The following GRXCR1 variants were observed in gnomAD, a reference collection of about 807,000 sequenced individuals.
The protein encoded by GRXCR1 is glutaredoxin and cysteine rich domain containing 1.
Under a neutral mutation model 27.3 loss-of-function variants are expected in GRXCR1, and 27 were observed. The ratio of observed to expected loss-of-function variants is 0.99; its 90% confidence interval spans 0.73 to 1.37. GRXCR1 has a LOEUF of 1.37. GRXCR1 is among the 40% of genes most tolerant of loss of function. The probability of loss-of-function intolerance (pLI) is 0.00; values close to 1 mark genes in which losing one functional copy is unlikely to be tolerated. For missense variants in GRXCR1, 379 were observed against 354.4 expected (o/e 1.07, Z -0.56); for synonymous variants, 122 against 131.1 (o/e 0.93, Z 0.47).
At chr4:42,895,231 T>C (rs1746321395) in intron 1 of GRXCR1, among the ~76,000 whole-genome samples, 1 of 152,102 alleles carries the variant, frequency 6.6e-6, no homozygotes, top group African/African-American at 2.4e-5. Context: ...CCTGCATATT[T>C]TTCTATGCAT....
At chr4:42,996,848 C>T (rs1029139195) in intron 2 of GRXCR1, among the ~76,000 whole-genome samples, 37 of 151,822 alleles carry the variant, frequency 2.4e-4, no homozygotes, top group East Asian at 7.7e-4. Context: ...ATAAAAGACA[C>T]GTTAGTAATT....
chr4:42,903,458 CCCA>C (rs1283854857), intron 1 of GRXCR1, among the ~76,000 whole-genome samples: 2 of 145,858 alleles, frequency 1.4e-5, no homozygotes, highest in African/African-American at 5.0e-5. Context: ...ACTACAGGCA[CCCA>C]CCACCACGCC....
At chr4:43,008,093 G>T (rs1282303117) in intron 2 of GRXCR1, among the ~76,000 whole-genome samples, 1 of 151,634 alleles carries the variant, frequency 6.6e-6, no homozygotes, top group African/African-American at 2.4e-5. Flanking sequence ...TTCATTCTTG[G>T]AATAAAAACT....
intron 1 of GRXCR1, among the ~76,000 whole-genome samples, chr4:42,914,299 G>A (rs902545545): frequency 5.9e-5 from 9 of 152,140 alleles, no homozygotes; most frequent in Non-Finnish European, 1.0e-4. Flanking sequence ...AAGCCACAGG[G>A]GTGGAGCTGC....
intron 3 of GRXCR1, among the ~76,000 whole-genome samples, chr4:43,028,677 T>C (rs1713330864): frequency 6.6e-6 from 1 of 152,392 alleles, no homozygotes; most frequent in African/African-American, 2.4e-5. Flanking sequence ...TAAAGTACAC[T>C]ATTTTTCCAT....
Position 42,946,922 on chromosome 4 carries a change from T to C in GRXCR1, c.385-15970T>C, listed in dbSNP as rs1747756686. Among the ~76,000 whole-genome samples the C allele has an allele frequency of 3.3e-5, 5 of 152,274 alleles. No individual in the cohort carries two copies. In the South Asian group the frequency reaches 1.0e-3, roughly 32 times the overall value. On this transcript the variant is annotated intron_variant, in intron 1 of 3. Transcript: ENST00000399770. ...ATTACATAACATACACTTTTTGATCTCAGAAAGTACGTAATGGTGCGGAGT... is the reference window on the plus strand; with the variant it reads ...ATTACATAACATACACTTTTTGATCCCAGAAAGTACGTAATGGTGCGGAGT...
chr4:43,007,478 T>G (rs1299828725), intron 2 of GRXCR1, among the ~76,000 whole-genome samples: 1 of 152,146 alleles, frequency 6.6e-6, no homozygotes, highest in Non-Finnish European at 1.5e-5. Flanking sequence ...ATCAGGAGAA[T>G]GACAAGTGAA....
chr4:42,985,195 G>A (rs765636626), intron 2 of GRXCR1, among the ~76,000 whole-genome samples: 89 of 151,958 alleles, frequency 5.9e-4, no homozygotes, highest in Admixed American at 1.4e-3. Context: ...TCTGTGAGGC[G>A]GCAATCACCG....
chr4:42,987,222 T>TATTATATATTATATATA (rs369022273), intron 2 of GRXCR1, among the ~76,000 whole-genome samples: 7,335 of 99,112 alleles, frequency 0.074, 330 homozygotes, highest in East Asian at 0.21. Flanking sequence ...TATATATATA[T>TATTATATATTATATATA]TATATATTAT....
intron 1 of GRXCR1, among the ~76,000 whole-genome samples, chr4:42,905,105 T>C (rs941541742): frequency 3.3e-5 from 5 of 152,216 alleles, no homozygotes; most frequent in African/African-American, 1.2e-4. Context: ...AAACCTGTTG[T>C]CTTGCGGCCA....
intron 2 of GRXCR1, among the ~76,000 whole-genome samples, chr4:42,968,505 T>C (rs927520157): frequency 6.6e-6 from 1 of 152,072 alleles, no homozygotes; most frequent in Non-Finnish European, 1.5e-5. Context: ...CTTTAAAATC[T>C]AGGAGGTTTG....
intron 2 of GRXCR1, among the ~76,000 whole-genome samples, chr4:43,000,114 C>T (rs1712302445): frequency 6.6e-6 from 1 of 152,138 alleles, no homozygotes; most frequent in Admixed American, 6.5e-5. Context: ...TGCTTTGTCC[C>T]TTGGCATGTG....
chr4:42,913,148 C>A (rs1364964529), intron 1 of GRXCR1, among the ~76,000 whole-genome samples: 2 of 152,084 alleles, frequency 1.3e-5, no homozygotes, highest in African/African-American at 4.8e-5. Flanking sequence ...CAAGACTGAA[C>A]TAATACAATA....
At chr4:43,025,806 C>G (rs1713239545) in intron 3 of GRXCR1, among the ~76,000 whole-genome samples, 1 of 152,118 alleles carries the variant, frequency 6.6e-6, no homozygotes, top group African/African-American at 2.4e-5. Context: ...GAAACCCCGT[C>G]TCTACTAAAA....
chr4:42,979,246 A>C (rs952398148), intron 2 of GRXCR1, among the ~76,000 whole-genome samples: 1 of 152,056 alleles, frequency 6.6e-6, no homozygotes, highest in Non-Finnish European at 1.5e-5. Flanking sequence ...GAGAGTAGGC[A>C]TCCTTGTCTT....
chr4:42,898,491 A>T (rs1473010156), intron 1 of GRXCR1, among the ~76,000 whole-genome samples: 5 of 152,034 alleles, frequency 3.3e-5, no homozygotes, highest in Admixed American at 3.3e-4. Flanking sequence ...TTTATTATGC[A>T]TCTCTGGTTC....
At position 42,907,040 on chromosome 4, in the gene GRXCR1, A is replaced by T. The variant is rs188044482; in HGVS notation, c.384+13390A>T. On this transcript the variant is annotated intron_variant, in intron 1 of 3. Coordinates refer to ENST00000399770, the MANE Select transcript of GRXCR1 (RefSeq NM_001080476.3). ...GTAAAAAGTGATTTATTAAGGGAGG[A>T]TCTCAGAAGAAAGGGCATGAAGGAA... 4.6e-5 allele frequency among the ~76,000 whole-genome samples: 7 copies of T among 152,284 alleles called. No homozygotes were observed. In the East Asian group the frequency reaches 1.4e-3, roughly 29 times the overall value.
intron 3 of GRXCR1, 144 bp downstream of exon 3, chr4:43,020,563 T>C: frequency 1.5e-6 from 1 of 685,124 alleles, no homozygotes; most frequent in Non-Finnish European, 2.7e-6. Flanking sequence ...TAATTTGATA[T>C]CTTCTGTTAT....
At chr4:42,928,858 C>T (rs1747233948) in intron 1 of GRXCR1, among the ~76,000 whole-genome samples, 1 of 151,972 alleles carries the variant, frequency 6.6e-6, no homozygotes, top group Non-Finnish European at 1.5e-5. Context: ...GGATGTGTGT[C>T]TCTGGATTGG....
Sources: gnomAD v4.1 joint callset for allele counts (sites outside exome capture counted in the v4.1 genomes callset) on GRCh38, gnomAD v4.1.1 for gene constraint, MANE v1.5 for transcripts, NCBI Gene and HGNC (gene_info 2026-07-23, HGNC 2026-07-21) for gene names.